Variants in NFIB observed in about 807,000 individuals in gnomAD.
The protein encoded by NFIB is nuclear factor 1 B-type.
NFIB carries 11 observed loss-of-function variants against 61.5 expected under a neutral mutation model. That is an observed-to-expected ratio of 0.18 (90% CI 0.11 to 0.30). NFIB has a LOEUF of 0.30. Ranked by LOEUF, NFIB falls within the 10% of genes least tolerant of loss-of-function variation. The probability of loss-of-function intolerance (pLI) is 1.00; values close to 1 mark genes in which losing one functional copy is unlikely to be tolerated. For missense variants in NFIB, 471 were observed against 608.9 expected, an observed-to-expected ratio of 0.77 and a Z score of 2.38; for synonymous variants, 260 against 216.5, an observed-to-expected ratio of 1.20 and a Z score of -1.76.
rs531197594 is a variant in NFIB at position 14,191,115 on chromosome 9, G to T, written c.563-11335C>A. On this transcript the variant is annotated intron_variant, in intron 2 of 10. Coordinates refer to ENST00000380953, the MANE Select transcript of NFIB (RefSeq NM_001190737.2). Reference sequence around the variant, plus strand: ...GGCTGAAGTGGGAGGATCACCTGAGGTCAGGAGTTCGAGACCAGCCTGGCC... The same window carrying T: ...GGCTGAAGTGGGAGGATCACCTGAGTTCAGGAGTTCGAGACCAGCCTGGCC... Among the ~76,000 whole-genome samples the T allele has an allele frequency of 9.2e-5, 14 of 151,900 alleles. No homozygotes were observed. The East Asian group carries it at 2.7e-3, about 29-fold the overall frequency.
At chr9:14,169,226 T>C (rs1190933763) in intron 3 of NFIB, among the ~76,000 whole-genome samples, 1 of 152,208 alleles carries the variant, frequency 6.6e-6, no homozygotes, top group African/African-American at 2.4e-5. Flanking sequence ...GTGGAAGTGA[T>C]GATTTTAATA....
chr9:14,462,122 G>C, the NFIB span, among the ~76,000 whole-genome samples: 2 of 152,070 alleles, frequency 1.3e-5, no homozygotes, highest in African/African-American at 2.4e-5. Flanking sequence ...TCTTAATATA[G>C]GTGTTTTAAA....
chr9:14,286,231 C>T (rs182658097), intron 2 of NFIB, among the ~76,000 whole-genome samples: 1 of 152,292 alleles, frequency 6.6e-6, no homozygotes, highest in African/African-American at 2.4e-5. Flanking sequence ...ACTCACTATT[C>T]CTCCAAGTTT....
At chr9:14,231,612 T>G (rs1346792027) in intron 2 of NFIB, among the ~76,000 whole-genome samples, 4 of 152,212 alleles carry the variant, frequency 2.6e-5, no homozygotes, top group African/African-American at 9.7e-5. Context: ...TCGTTCTTTT[T>G]GAAGGTATAT....
At chr9:14,322,330 CAT>C (rs141240024) in intron 1 of NFIB, 22,358 of 272,418 alleles carry the variant, frequency 0.082, 1,043 homozygotes, top group Non-Finnish European at 0.1. Flanking sequence ...TGCGTGTGTG[CAT>C]GTATGTGTGT....
At chr9:14,116,869 C>T (rs1256508929) in intron 8 of NFIB, among the ~76,000 whole-genome samples, 1 of 152,176 alleles carries the variant, frequency 6.6e-6, no homozygotes, top group Non-Finnish European at 1.5e-5. Flanking sequence ...TCATCATTTA[C>T]AGTCAAGAAC....
chr9:14,161,784 C>G (rs1354597042), intron 3 of NFIB, among the ~76,000 whole-genome samples: 2 of 152,114 alleles, frequency 1.3e-5, no homozygotes. Flanking sequence ...TTTCCTTAGG[C>G]TGGAGTTCCC....
intron 6 of NFIB, among the ~76,000 whole-genome samples, chr9:14,136,451 A>T (rs2041055776): frequency 6.6e-6 from 1 of 152,202 alleles, no homozygotes; most frequent in African/African-American, 2.4e-5. Flanking sequence ...AAATAAAATC[A>T]ATACCATAAC....
At chr9:14,468,953 C>T in the NFIB span, among the ~76,000 whole-genome samples, 480 of 152,274 alleles carry the variant, frequency 3.2e-3, 7 homozygotes, top group African/African-American at 0.011. Flanking sequence ...TTTCCTCCCT[C>T]ATTCTAATCC....
chr9:14,303,653 G>C (rs1236656032), intron 2 of NFIB, among the ~76,000 whole-genome samples: 1 of 152,164 alleles, frequency 6.6e-6, no homozygotes, highest in Non-Finnish European at 1.5e-5. Context: ...ACTGCAATGC[G>C]GATGCCAACC....
the NFIB span, among the ~76,000 whole-genome samples, chr9:14,504,999 A>G: frequency 1.3e-5 from 2 of 152,196 alleles, no homozygotes; most frequent in Admixed American, 1.3e-4. Context: ...ACCTTAAGGT[A>G]TGTCCCTTCT....
chr9:14,434,386 A>T, the NFIB span, among the ~76,000 whole-genome samples: 2 of 152,214 alleles, frequency 1.3e-5, no homozygotes, highest in Non-Finnish European at 2.9e-5. Context: ...ATTGAATAAC[A>T]TATGAGTCTG....
the NFIB span, among the ~76,000 whole-genome samples, chr9:14,493,874 T>C: frequency 6.6e-6 from 1 of 152,204 alleles, no homozygotes; most frequent in African/African-American, 2.4e-5. Context: ...AAAACAATTA[T>C]TATTTATTTC....
chr9:14,472,852 A>C, the NFIB span, among the ~76,000 whole-genome samples: 1 of 152,166 alleles, frequency 6.6e-6, no homozygotes, highest in East Asian at 1.9e-4. Context: ...AAAAAATAAA[A>C]ATAAAAAAAA....
At chr9:14,098,554 T>C (rs2118763521) in intron 10 of NFIB, among the ~76,000 whole-genome samples, 1 of 152,324 alleles carries the variant, frequency 6.6e-6, no homozygotes, top group East Asian at 1.9e-4. Context: ...GCTGTATATG[T>C]TTATGTCCAC....
At chr9:14,445,799 C>G in the NFIB span, among the ~76,000 whole-genome samples, 1 of 152,098 alleles carries the variant, frequency 6.6e-6, no homozygotes, top group Non-Finnish European at 1.5e-5. Flanking sequence ...TTTATATACC[C>G]AATACTTATT....
intron 2 of NFIB, among the ~76,000 whole-genome samples, chr9:14,283,221 G>A (rs924084376): frequency 7.2e-5 from 11 of 152,190 alleles, no homozygotes; most frequent in Admixed American, 7.2e-4. Flanking sequence ...GTATCACTGT[G>A]ACTCCGGACT....
At chr9:14,175,488 TTTC>T (rs2046088348) in intron 3 of NFIB, among the ~76,000 whole-genome samples, 1 of 152,126 alleles carries the variant, frequency 6.6e-6, no homozygotes, top group African/African-American at 2.4e-5. Flanking sequence ...ACTTAAAGAA[TTTC>T]TTAAGTGCAA....
chr9:14,530,290 A>G, the NFIB span, among the ~76,000 whole-genome samples: 1 of 152,158 alleles, frequency 6.6e-6, no homozygotes, highest in Non-Finnish European at 1.5e-5. Context: ...CACCATGTAC[A>G]CGCACAGTAC....
Sources: allele counts gnomAD v4.1 joint callset (sites outside exome capture counted in the v4.1 genomes callset), GRCh38; gene constraint gnomAD v4.1.1; transcripts MANE v1.5; gene names NCBI Gene and HGNC (gene_info 2026-07-23, HGNC 2026-07-21).